TSHR: variants seen among roughly 807,000 people sequenced by gnomAD.
TSHR encodes the protein thyroid stimulating hormone receptor.
TSHR carries 51 observed loss-of-function variants against 64.1 expected under a neutral mutation model. The ratio of observed to expected loss-of-function variants is 0.80; its 90% confidence interval spans 0.64 to 1.01. The LOEUF (loss-of-function observed/expected upper bound fraction) is 1.01. Ranked by LOEUF, TSHR falls within the 50% of genes least tolerant of loss-of-function variation. The pLI, the probability that TSHR is intolerant of heterozygous loss-of-function variation, is 0.00. For synonymous variants in TSHR, 361 were observed against 361.9 expected (o/e 1.00, Z 0.03); for missense variants, 877 against 942.8 (o/e 0.93, Z 0.91).
chr14:81,095,955 G>A (rs73335922), intron 6 of TSHR, among the ~76,000 whole-genome samples: 5,832 of 151,066 alleles, frequency 0.039, 320 homozygotes, highest in African/African-American at 0.13. Flanking sequence ...TGGGAGGATC[G>A]CTTAAGCCCA....
intron 4 of TSHR, among the ~76,000 whole-genome samples, chr14:81,090,853 G>T (rs780182556): frequency 2.6e-5 from 4 of 152,132 alleles, no homozygotes; most frequent in Non-Finnish European, 5.9e-5. Flanking sequence ...GACACCAGTG[G>T]ACTGGATTAA....
intron 1 of TSHR, among the ~76,000 whole-genome samples, chr14:81,054,630 G>T (rs1246370550): frequency 6.6e-6 from 1 of 152,172 alleles, no homozygotes; most frequent in African/African-American, 2.4e-5. Context: ...GGGAACTGGA[G>T]CAAAGGTGAC....
intron 1 of TSHR, among the ~76,000 whole-genome samples, chr14:81,006,860 T>C (rs1403199290): frequency 2.6e-5 from 4 of 152,128 alleles, no homozygotes; most frequent in African/African-American, 9.7e-5. Context: ...CTCCAATATA[T>C]AAATTTGGAT....
At chr14:81,009,681 C>G (rs565208434) in intron 1 of TSHR, among the ~76,000 whole-genome samples, 1 of 152,012 alleles carries the variant, frequency 6.6e-6, no homozygotes, top group African/African-American at 2.4e-5. Context: ...TATGTGAATT[C>G]AAGAGAAATT....
chr14:80,960,046 A>G (rs1015824050), intron 1 of TSHR, among the ~76,000 whole-genome samples: 2 of 152,248 alleles, frequency 1.3e-5, no homozygotes, highest in African/African-American at 4.8e-5. Context: ...CTGAGCCTAC[A>G]GCTGCCTTCT....
rs543129120 is a variant in TSHR at position 81,084,440 on chromosome 14, C to G, written c.318-3514C>G. On this transcript the variant is annotated intron_variant, in intron 3 of 9. Coordinates refer to ENST00000298171, the MANE Select transcript of TSHR (RefSeq NM_000369.5). ...ATCTGCTAGATGTGACCACTATGAACAGAGTACTCTATATTTTTGGAATTT... is the reference window on the plus strand; with the variant it reads ...ATCTGCTAGATGTGACCACTATGAAGAGAGTACTCTATATTTTTGGAATTT... 2.6e-5 allele frequency among the ~76,000 whole-genome samples: 4 copies of G among 152,194 alleles called. No homozygotes were observed. The East Asian group carries it at 7.7e-4, about 29-fold the overall frequency.
intron 1 of TSHR, chr14:80,994,247 T>G (rs1888890059): frequency 6.6e-6 from 1 of 152,204 alleles, no homozygotes; most frequent in African/African-American, 2.4e-5. Flanking sequence ...ACTGACTGTT[T>G]ATGTTATCAG....
In TSHR at chr14:81,143,133, C is replaced by G; in HGVS notation, c.1075C>G (p.Gln359Glu). 3 of 1,614,136 alleles carry G rather than the reference C, an allele frequency of 1.9e-6. No homozygotes were observed. The highest frequency in any genetic ancestry group is 2.5e-6 in the Non-Finnish European group (3 of 1,180,028). Residue 359 changes from glutamine (Q) to glutamate (E), a missense_variant, in exon 10 of 10, where the codon CAA (glutamine) becomes GAA (glutamate). Physicochemically the swap from Gln to Glu is conservative, Grantham distance 29. Coordinates refer to ENST00000298171, the MANE Select transcript of TSHR (RefSeq NM_000369.5). ...NAHYYVFFEE[Q>E]EDEIIGFGQE... is the part of the protein sequence containing the mutation. ...TCATTATTACGTCTTCTTTGAAGAA[C>G]AAGAGGATGAGATCATTGGTTTTGG...
chr14:81,122,952 G>A (rs995927523), intron 8 of TSHR, among the ~76,000 whole-genome samples: 6 of 152,066 alleles, frequency 3.9e-5, no homozygotes, highest in Middle Eastern at 3.4e-3. Flanking sequence ...ATGGTGAAAC[G>A]CCGTCTCTAC....
chr14:81,071,046 C>A (rs1887031334), intron 3 of TSHR, among the ~76,000 whole-genome samples: 1 of 152,168 alleles, frequency 6.6e-6, no homozygotes. Flanking sequence ...AAATACTGTT[C>A]TTTGCTCTGC....
At chr14:80,981,840 G>A (rs1888189233) in intron 1 of TSHR, 1 of 169,688 alleles carries the variant, frequency 5.9e-6, no homozygotes, top group Non-Finnish European at 1.4e-5. Flanking sequence ...TTTGGCAAGA[G>A]AACATAGTGA....
intron 6 of TSHR, among the ~76,000 whole-genome samples, chr14:81,092,881 C>A (rs1279112763): frequency 6.6e-6 from 1 of 152,174 alleles, no homozygotes; most frequent in East Asian, 1.9e-4. Flanking sequence ...GACCATGCAA[C>A]CTCTGTAGGA....
At position 81,145,843 on chromosome 14, in the gene TSHR, T is replaced by C; in HGVS notation, c.*1490T>C. The C allele has an allele frequency of 4.3e-6, 1 of 232,756 alleles. No individual in the cohort carries two copies. The highest frequency in any genetic ancestry group is 8.5e-6 in the Non-Finnish European group (1 of 117,768). The allele number at this position is 232,756 out of a possible 1,614,324, so 14.4% of individuals were successfully genotyped here. A position where few individuals can be genotyped will look rare whatever the true frequency, so the allele number is the denominator to read the frequency against. On this transcript the variant is annotated 3_prime_UTR_variant, in exon 10 of 10. Transcript: ENST00000298171. The stretch of plus-strand genomic sequence containing the variant: ...TGATGATAGCCCCCTAATGTCCTGC[T>C]AGAAAAGTCTCCAAGCAGAGATGAC...
Position 81,143,983 on chromosome 14 carries a change from T to G in TSHR, c.1925T>G (p.Phe642Cys), listed in dbSNP as rs1891824744. ...TTCATATGCATGGCCCCAATCTCAT[T>G]CTATGCTCTGTCAGCAATTCTGAAC... ...TDFICMAPIS[F>C]YALSAILNKP... Residue 642 changes from phenylalanine (F) to cysteine (C), a missense_variant, in exon 10 of 10, where the codon TTC (phenylalanine) becomes TGC (cysteine). Phe to Cys is a radical substitution (Grantham distance 205, BLOSUM62 -2). Coordinates refer to ENST00000298171, the MANE Select transcript of TSHR (RefSeq NM_000369.5). 6.2e-7 allele frequency: 1 copy of G among 1,614,226 alleles called. No homozygotes were observed. Among genetic ancestry groups the G allele is most frequent in the African/African-American group, 1.3e-5 (1 of 75,064 alleles).
intron 5 of TSHR, among the ~76,000 whole-genome samples, chr14:81,092,223 A>C (rs1888793836): frequency 6.6e-6 from 1 of 152,172 alleles, no homozygotes; most frequent in Non-Finnish European, 1.5e-5. Context: ...AAAGTGTTGC[A>C]GATTCGGGAG....
chr14:80,981,966 G>A lies in TSHR; in HGVS notation c.170+26116G>A. Reference sequence around the variant, plus strand: ...GAGAACCAAGGACAAGATGGACAGGGCCAAGTAACTGGGCTTCAACCATGA... The same window carrying A: ...GAGAACCAAGGACAAGATGGACAGGACCAAGTAACTGGGCTTCAACCATGA... On this transcript the variant is annotated intron_variant, in intron 1 of 9. Transcript: ENST00000298171. The A allele has an allele frequency of 6.4e-6, 2 of 310,674 alleles. 1 individual carries two copies. The highest frequency in any genetic ancestry group is 1.3e-5 in the Non-Finnish European group (2 of 151,420). The allele number at this position is 310,674 out of a possible 1,614,324, so 19.2% of individuals were successfully genotyped here.
At chr14:81,079,817 C>T (rs1450290496) in intron 3 of TSHR, among the ~76,000 whole-genome samples, 7 of 147,668 alleles carry the variant, frequency 4.7e-5, no homozygotes, top group Non-Finnish European at 1.0e-4. Flanking sequence ...GATCGTGCTA[C>T]ACACTCCAGC....
At chr14:81,034,266 C>T (rs1884509062) in intron 1 of TSHR, among the ~76,000 whole-genome samples, 1 of 152,192 alleles carries the variant, frequency 6.6e-6, no homozygotes, top group African/African-American at 2.4e-5. Flanking sequence ...GAGAGAACCA[C>T]AGAGAATGAG....
intron 1 of TSHR, chr14:80,983,228 C>T (rs982604933): frequency 6.7e-5 from 84 of 1,253,844 alleles, no homozygotes; most frequent in Non-Finnish European, 8.4e-5. Flanking sequence ...TGTGTAAAGA[C>T]ACCATGTCAT....
Sources: gnomAD v4.1 joint callset for allele counts (sites outside exome capture counted in the v4.1 genomes callset) on GRCh38, gnomAD v4.1.1 for gene constraint, MANE v1.5 for transcripts, NCBI Gene and HGNC (gene_info 2026-07-23, HGNC 2026-07-21) for gene names.